UBR7: variants seen among roughly 807,000 people sequenced by gnomAD.
The protein encoded by UBR7 is putative E3 ubiquitin-protein ligase UBR7.
In UBR7, 22 loss-of-function variants were observed where a neutral mutation model predicts 57.0. The observed-to-expected ratio is 0.39, with a 90% CI of 0.28 to 0.55. The LOEUF (loss-of-function observed/expected upper bound fraction) is 0.55, where lower values mean the gene tolerates loss of function less well. Among genes scored for constraint, UBR7 ranks in the 20% least tolerant of loss-of-function variants. The pLI, the probability that UBR7 is intolerant of heterozygous loss-of-function variation, is 0.69. For synonymous variants in UBR7, 167 were observed against 179.8 expected, an observed-to-expected ratio of 0.93 and a Z score of 0.57; for missense variants, 395 against 513.2, an observed-to-expected ratio of 0.77 and a Z score of 2.23.
chr14:93,224,806 T>C (rs1894812429), intron 10 of UBR7, among the ~76,000 whole-genome samples: 1 of 152,258 alleles, frequency 6.6e-6, no homozygotes, highest in Non-Finnish European at 1.5e-5. Context: ...TGGGGCACTC[T>C]GCCTCAGTGT....
At chr14:93,222,625 C>T (rs1333623764) in intron 10 of UBR7, among the ~76,000 whole-genome samples, 3 of 151,992 alleles carry the variant, frequency 2.0e-5, no homozygotes, top group African/African-American at 4.8e-5. Flanking sequence ...CGCCTGTAGT[C>T]CCAGCTACTA....
chr14:93,208,016 C>A (rs182518522), intron 1 of UBR7, among the ~76,000 whole-genome samples: 27 of 152,106 alleles, frequency 1.8e-4, no homozygotes, highest in African/African-American at 6.3e-4. Flanking sequence ...AGTCTGCCCC[C>A]CTCCCCTGGA....
chr14:93,213,552 C>T (rs1894533379), intron 4 of UBR7, among the ~76,000 whole-genome samples: 1 of 152,210 alleles, frequency 6.6e-6, no homozygotes, highest in Non-Finnish European at 1.5e-5. Flanking sequence ...CATGATCCGC[C>T]TGCCTCGGGC....
intron 6 of UBR7, among the ~76,000 whole-genome samples, chr14:93,217,753 C>T (rs72708523): frequency 0.022 from 3,411 of 152,248 alleles, 58 homozygotes; most frequent in South Asian, 0.069. Flanking sequence ...TCGGAGACTA[C>T]GGTGGACTAA....
rs753056405 is a variant in UBR7 at position 93,207,278 on chromosome 14, G to A, written c.-14G>A. Reference sequence around the variant, plus strand: ...TCCGCCGGGGCCGAGCCGCTGTTCGGCTGACAGTTGAGGATGGCCGGAGCC... The same window carrying A: ...TCCGCCGGGGCCGAGCCGCTGTTCGACTGACAGTTGAGGATGGCCGGAGCC... On this transcript the variant is annotated 5_prime_UTR_variant, in exon 1 of 11. Coordinates refer to ENST00000013070, the MANE Select transcript of UBR7 (RefSeq NM_175748.4). 1 of 1,552,248 alleles carries A rather than the reference G, an allele frequency of 6.4e-7. No homozygotes were observed. The highest frequency in any genetic ancestry group is 1.2e-5 in the South Asian group (1 of 84,290).
chr14:93,220,198 G>T (rs368138815), intron 8 of UBR7, 51 bp from the exon 9 acceptor site: 22 of 1,574,396 alleles, frequency 1.4e-5, no homozygotes, highest in Non-Finnish European at 1.8e-5. Flanking sequence ...ATGATAAACA[G>T]TTCTAATGGG....
At chr14:93,222,880 C>A (rs1894739266) in intron 10 of UBR7, among the ~76,000 whole-genome samples, 1 of 152,104 alleles carries the variant, frequency 6.6e-6, no homozygotes, top group South Asian at 2.1e-4. Flanking sequence ...CCTTACCAAC[C>A]CCAGCTAAGC....
chr14:93,208,577 G>A (rs1894416197), intron 1 of UBR7, among the ~76,000 whole-genome samples: 2 of 151,332 alleles, frequency 1.3e-5, no homozygotes, highest in South Asian at 4.2e-4. Context: ...AAAAAAATAC[G>A]GAAATTTGCA....
rs140104445 is a variant in UBR7, at chr14:93,221,482, C to T, written c.1124-831C>T. On this transcript the variant is annotated intron_variant, in intron 9 of 10. Coordinates refer to ENST00000013070, the MANE Select transcript of UBR7 (RefSeq NM_175748.4). ...GTCACCCAGGCTGGTCTCGAACTCC[C>T]GAGCTGAGGTGATCCACCTGCCTCA... Among the ~76,000 whole-genome samples, 766 of 151,374 alleles carry T rather than the reference C, an allele frequency of 5.1e-3. 6 individuals are homozygous for T. Among genetic ancestry groups the T allele is most frequent in the African/African-American group, 0.017 (711 of 41,314 alleles).
In UBR7 at chr14:93,215,106, T is replaced by C. The variant is rs926454638; in HGVS notation, c.496-70T>C. 2.8e-6 allele frequency: 4 copies of C among 1,452,216 alleles called. No homozygotes were observed. In the African/African-American group the frequency reaches 5.6e-5, roughly 20 times the overall value. 90.0% of individuals were successfully genotyped at this position (1,452,216 alleles called of 1,614,324 possible). On this transcript the variant is annotated intron_variant, in intron 5 of 10. Coordinates refer to ENST00000013070, the MANE Select transcript of UBR7 (RefSeq NM_175748.4). ...ATATGATCAGTGTATTATTACAGTA[T>C]TTATAAAATAATGGGCATTTTGGAC...
chr14:93,223,299 G>A (rs369702993), intron 10 of UBR7, among the ~76,000 whole-genome samples: 3 of 149,322 alleles, frequency 2.0e-5, no homozygotes, highest in East Asian at 4.0e-4. Context: ...CGAGGCTGAG[G>A]CAGGAGAAAC....
chr14:93,209,651 G>A (rs563233187), intron 1 of UBR7, among the ~76,000 whole-genome samples, 173 bp from the exon 2 acceptor site: 41 of 152,292 alleles, frequency 2.7e-4, no homozygotes, highest in African/African-American at 9.4e-4. Flanking sequence ...AACTTGCAAC[G>A]CAACTGTGTT....
intron 1 of UBR7, among the ~76,000 whole-genome samples, chr14:93,209,091 G>A (rs994378355): frequency 6.6e-6 from 1 of 152,186 alleles, no homozygotes; most frequent in Non-Finnish European, 1.5e-5. Flanking sequence ...GGGATTACAG[G>A]CGTGAGCCAC....
At chr14:93,207,507 G>T in intron 1 of UBR7, 66 bp downstream of exon 1, 1 of 1,475,230 alleles carries the variant, frequency 6.8e-7, no homozygotes, top group South Asian at 1.4e-5. Context: ...CGGCCCGGCT[G>T]TCCCTATTCC....
chr14:93,207,584 C>A, intron 1 of UBR7, 143 bp downstream of exon 1: 3 of 1,198,996 alleles, frequency 2.5e-6, no homozygotes, highest in Non-Finnish European at 3.4e-6. Flanking sequence ...TTCCTCACCC[C>A]AAGCTCACCC....
At position 93,228,013 on chromosome 14, in the gene UBR7, C is replaced by G; in HGVS notation, c.*978C>G. On this transcript the variant is annotated 3_prime_UTR_variant, in exon 11 of 11. Coordinates refer to ENST00000013070, the MANE Select transcript of UBR7 (RefSeq NM_175748.4). ...AAATTATTATTTTTCCCCCTTGAAT[C>G]TGCTAAAGAAAACAGATCCTGACTT... 1.4e-6 allele frequency: 1 copy of G among 698,464 alleles called. No individual in the cohort carries two copies. The highest frequency in any genetic ancestry group is 2.6e-6 in the Non-Finnish European group (1 of 384,044). 43.3% of individuals were successfully genotyped at this position (698,464 alleles called of 1,614,324 possible).
At chr14:93,223,841 T>TC in intron 10 of UBR7, 1 of 748,288 alleles carries the variant, frequency 1.3e-6, no homozygotes, top group South Asian at 1.4e-5. Flanking sequence ...GGTGGTCAGG[T>TC]CCCGGTATTC....
Position 93,212,133 on chromosome 14 carries a change from A to G in UBR7, c.441+6A>G. The G allele has an allele frequency of 1.2e-6, 2 of 1,605,656 alleles. No homozygotes were observed. Among genetic ancestry groups the G allele is most frequent in the Non-Finnish European group, 1.7e-6 (2 of 1,174,200 alleles). ...ATCCTGATCCTGAAGACGAGGTAAG[A>G]GAATTGGAAGTTAAACCTGGGGGTG... On this transcript the variant is annotated splice_donor_region_variant and intron_variant, in intron 4 of 10. Coordinates refer to ENST00000013070, the MANE Select transcript of UBR7 (RefSeq NM_175748.4).
At chr14:93,221,540 C>G (rs1894707179) in intron 9 of UBR7, among the ~76,000 whole-genome samples, 1 of 152,000 alleles carries the variant, frequency 6.6e-6, no homozygotes. Context: ...CAGGTGCAAG[C>G]CACTGCACCT....
Sources: gnomAD v4.1 joint callset for allele counts (sites outside exome capture counted in the v4.1 genomes callset) on GRCh38, gnomAD v4.1.1 for gene constraint, MANE v1.5 for transcripts, NCBI Gene and HGNC (gene_info 2026-07-23, HGNC 2026-07-21) for gene names.